Variants in TENT4A observed in about 807,000 individuals in gnomAD.
TENT4A encodes DNA polymerase kappa.
TENT4A carries 7 observed loss-of-function variants against 72.8 expected under a neutral mutation model. The observed-to-expected ratio is 0.10, with a 90% CI of 0.05 to 0.18. The LOEUF is 0.18. Among genes scored for constraint, TENT4A ranks in the 10% least tolerant of loss-of-function variants. The pLI, the probability that TENT4A is intolerant of heterozygous loss-of-function variation, is 1.00. For missense variants in TENT4A, 831 were observed against 1,017.7 expected (o/e 0.82, Z 2.50); for synonymous variants, 456 against 434.3 (o/e 1.05, Z -0.62).
intron 1 of TENT4A, among the ~76,000 whole-genome samples, chr5:6,734,741 G>T (rs1741389779): frequency 6.6e-6 from 1 of 152,266 alleles, no homozygotes; most frequent in Non-Finnish European, 1.5e-5. Context: ...CAGGAGGACA[G>T]TGTTCCCCTG....
rs901924529 is a variant in TENT4A, at chr5:6,756,745, C to T, written c.*1800C>T. 8.5e-5 allele frequency: 13 copies of T among 152,604 alleles called. No individual in the cohort carries two copies. Among genetic ancestry groups the T allele is most frequent in the African/African-American group, 2.9e-4 (12 of 41,446 alleles). 9.5% of individuals were successfully genotyped at this position (152,604 alleles called of 1,614,324 possible). A position where few individuals can be genotyped will look rare whatever the true frequency, so the allele number is the denominator to read the frequency against. ...ATCTGTAGGCCTGTACTAATCTCTA[C>T]GCATTAGCAATATTGACTGTAAACC... On this transcript the variant is annotated 3_prime_UTR_variant, in exon 13 of 13. Transcript: ENST00000230859.
chr5:6,716,081 C>T (rs1192962804), intron 1 of TENT4A, among the ~76,000 whole-genome samples: 2 of 152,216 alleles, frequency 1.3e-5, no homozygotes, highest in East Asian at 1.9e-4. Flanking sequence ...CACGTGGTCT[C>T]TGCCAGTCTT....
At chr5:6,723,371 C>T (rs1041288533) in intron 1 of TENT4A, among the ~76,000 whole-genome samples, 1 of 130,792 alleles carries the variant, frequency 7.6e-6, no homozygotes, top group Non-Finnish European at 1.6e-5. Flanking sequence ...TCTCAACAGT[C>T]TTCCTGGTCA....
intron 1 of TENT4A, among the ~76,000 whole-genome samples, chr5:6,718,848 G>C (rs1008641846): frequency 6.6e-6 from 1 of 152,142 alleles, no homozygotes; most frequent in East Asian, 1.9e-4. Flanking sequence ...ATGAGGACTG[G>C]CCAGGTCAGG....
intron 10 of TENT4A, 97 bp downstream of exon 10, chr5:6,750,600 T>C (rs1579499307): frequency 2.4e-6 from 3 of 1,225,636 alleles, no homozygotes; most frequent in East Asian, 2.6e-5. Context: ...TTGGTTTTGC[T>C]CAGGTTTTGT....
chr5:6,742,010 G>C (rs1466146284), intron 4 of TENT4A, among the ~76,000 whole-genome samples: 2 of 152,108 alleles, frequency 1.3e-5, no homozygotes, highest in Non-Finnish European at 2.9e-5. Flanking sequence ...GAATTTTTTA[G>C]GGGAAAAATT....
At chr5:6,754,726 C>T (rs1742595674) in intron 12 of TENT4A, 25 bp from the exon 13 acceptor site, 1 of 1,543,198 alleles carries the variant, frequency 6.5e-7, no homozygotes, top group Non-Finnish European at 8.8e-7. Flanking sequence ...CTGGCTCCAA[C>T]ACTGCTGTCT....
chr5:6,747,359 C>T lies in TENT4A; in HGVS notation c.1459+932C>T, dbSNP rs532175280. On this transcript the variant is annotated intron_variant, in intron 7 of 12. Coordinates refer to ENST00000230859, the MANE Select transcript of TENT4A (RefSeq NM_006999.6). ...TGTGTCGGGGAAGCCTTTCTTGTCA[C>T]ACATGTCATACTTTTTCCAATTTGT... is the stretch of plus-strand genomic sequence containing the variant. Among the ~76,000 whole-genome samples, 3 of 152,310 alleles carry T rather than the reference C, an allele frequency of 2.0e-5. No individual in the cohort carries two copies. In the East Asian group the frequency reaches 5.8e-4, roughly 29 times the overall value.
At chr5:6,749,115 G>A (rs553023740) in intron 8 of TENT4A, among the ~76,000 whole-genome samples, 3 of 152,162 alleles carry the variant, frequency 2.0e-5, no homozygotes, top group Non-Finnish European at 4.4e-5. Flanking sequence ...AACAGGTTTC[G>A]AGGCCTGGCT....
At chr5:6,735,001 T>C (rs1382384041) in intron 1 of TENT4A, among the ~76,000 whole-genome samples, 1 of 152,214 alleles carries the variant, frequency 6.6e-6, no homozygotes, top group African/African-American at 2.4e-5. Flanking sequence ...GGGTGGTGAA[T>C]GTGGCTGCAC....
chr5:6,725,538 G>A (rs1740874916), intron 1 of TENT4A, among the ~76,000 whole-genome samples: 5 of 152,234 alleles, frequency 3.3e-5, no homozygotes. Flanking sequence ...ATCACCAGTT[G>A]TAGAGAGGCT....
rs1234557173 is a variant in TENT4A at position 6,746,365 on chromosome 5, T to C, written c.1397T>C (p.Met466Thr). 1 of 1,614,172 alleles carries C rather than the reference T, an allele frequency of 6.2e-7. No homozygotes were observed. The highest frequency in any genetic ancestry group is 1.7e-5 in the Admixed American group (1 of 60,034). The change falls in exon 7 of 13, where the codon ATG becomes ACG. Residue 466 changes from methionine to threonine, a missense_variant. By Grantham distance (81) the Met-to-Thr change is moderately conservative. Around this residue, in one of 3 missense-constraint regions of TENT4A, gnomAD observed 197 missense variants for 399.6 expected, o/e 0.49. Transcript: ENST00000230859. Reference sequence around the variant, plus strand: ...GCCTATATCGCCAAAGAGGAGATCATGAAAGCCATGACCAGCGGGTACAGA... The same window carrying C: ...GCCTATATCGCCAAAGAGGAGATCACGAAAGCCATGACCAGCGGGTACAGA... ...GGAYIAKEEI[M>T]KAMTSGYRPS...
chr5:6,749,735 G>A (rs1742295496), intron 9 of TENT4A, 78 bp downstream of exon 9: 3 of 933,608 alleles, frequency 3.2e-6, no homozygotes, highest in Non-Finnish European at 5.2e-6. Flanking sequence ...TTCCTTTGTG[G>A]TAAATTGGTC....
Position 6,751,255 on chromosome 5 carries a change from G to A in TENT4A, c.2019+58G>A, listed in dbSNP as rs1243987953. On this transcript the variant is annotated intron_variant, in intron 11 of 12. Transcript: ENST00000230859. ...GGCCCCTGGGAACAGCATCCGAGCTGTGATATGCACTAGAGGAGATTGATG... is the reference window on the plus strand; with the variant it reads ...GGCCCCTGGGAACAGCATCCGAGCTATGATATGCACTAGAGGAGATTGATG... The A allele has an allele frequency of 4.5e-6, 7 of 1,556,458 alleles. No homozygotes were observed. The African/African-American group carries it at 5.4e-5, about 12-fold the overall frequency.
chr5:6,736,244 T>C (rs1205946459), intron 1 of TENT4A, among the ~76,000 whole-genome samples: 2 of 152,254 alleles, frequency 1.3e-5, no homozygotes, highest in Non-Finnish European at 1.5e-5. Flanking sequence ...AAATGACTCT[T>C]TTGGCGGGGT....
intron 10 of TENT4A, 34 bp from the exon 11 acceptor site, chr5:6,751,005 A>G: frequency 1.2e-6 from 2 of 1,611,634 alleles, no homozygotes; most frequent in Non-Finnish European, 8.5e-7. Context: ...TTTGTGGTAC[A>G]GCTGTCCTTT....
intron 1 of TENT4A, among the ~76,000 whole-genome samples, chr5:6,731,189 C>T (rs1405625433): frequency 1.3e-5 from 2 of 152,194 alleles, no homozygotes; most frequent in Admixed American, 6.5e-5. Flanking sequence ...GAGGGAACTT[C>T]GATTTCTGAG....
chr5:6,748,163 A>T (rs1453945039), intron 7 of TENT4A, among the ~76,000 whole-genome samples: 1 of 151,988 alleles, frequency 6.6e-6, no homozygotes, highest in Non-Finnish European at 1.5e-5. Flanking sequence ...GTGGGCTGTC[A>T]CTCCGTCTGT....
chr5:6,722,273 G>C (rs1183132798), intron 1 of TENT4A, among the ~76,000 whole-genome samples: 1 of 152,150 alleles, frequency 6.6e-6, no homozygotes. Context: ...AGATTAAAAA[G>C]GCCACCGCTG....
Sources: gnomAD v4.1 joint callset for allele counts (sites outside exome capture counted in the v4.1 genomes callset) on GRCh38, gnomAD v4.1.1 for gene constraint, gnomAD v4.1.1 regional missense constraint, MANE v1.5 for transcripts, NCBI Gene and HGNC (gene_info 2026-07-23, HGNC 2026-07-21) for gene names.